The following TYW3 variants were observed in gnomAD, a reference collection of about 807,000 sequenced individuals.
TYW3 encodes tRNA wybutosine-synthesizing protein 3 homolog.
In TYW3, 26 loss-of-function variants were observed where a neutral mutation model predicts 23.1. The observed-to-expected ratio is 1.13, with a 90% confidence interval of 0.83 to 1.56. TYW3 has a LOEUF of 1.56. Ranked by LOEUF, TYW3 falls within the 40% of genes most tolerant of loss-of-function variation. The pLI is 0.00. For synonymous variants in TYW3, 102 were observed against 105.7 expected (o/e 0.97, Z 0.21); for missense variants, 316 against 311.9 (o/e 1.01, Z -0.10).
intron 3 of TYW3, among the ~76,000 whole-genome samples, chr1:74,744,417 G>A (rs916134523): frequency 3.3e-5 from 5 of 152,194 alleles, no homozygotes; most frequent in Admixed American, 3.3e-4. Context: ...CTTTTTCACG[G>A]TTTGCGGGTC....
In TYW3 at chr1:74,765,881, G is replaced by C. The variant is rs971282835; in HGVS notation, c.*1768G>C. The C allele has an allele frequency of 7.2e-5, 11 of 152,250 alleles. No homozygotes were observed. Among genetic ancestry groups the C allele is most frequent in the African/African-American group, 2.4e-4 (10 of 41,558 alleles). 9.4% of individuals were successfully genotyped at this position (152,250 alleles called of 1,614,324 possible). ...ATCTGTTTATATAAGGTATAGTATA[G>C]TATAATCTGTTTATATAAGGTTAGT... On this transcript the variant is annotated 3_prime_UTR_variant, in exon 6 of 6. Coordinates refer to ENST00000370867, the MANE Select transcript of TYW3 (RefSeq NM_138467.3).
intron 4 of TYW3, chr1:74,750,903 G>A (rs1648761892): frequency 6.8e-6 from 1 of 147,668 alleles, no homozygotes; most frequent in Admixed American, 6.9e-5. Context: ...CACCTCCCAG[G>A]TTCAAGTGAT....
chr1:74,733,410 C>T lies in TYW3; in HGVS notation c.166C>T (p.Leu56Phe). 1 of 1,614,196 alleles carries T rather than the reference C, an allele frequency of 6.2e-7. No homozygotes were observed. The highest frequency in any genetic ancestry group is 8.5e-7 in the Non-Finnish European group (1 of 1,180,020). ...CTCCTGCGCTGGCCGCATCCTACTCCTTGACCGGGTGAGGCCCCTTTGCGC... is the reference window on the plus strand; with the variant it reads ...CTCCTGCGCTGGCCGCATCCTACTCTTTGACCGGGTGAGGCCCCTTTGCGC... ...TSSCAGRILL[L>F]DRGINGFEVQ... is the part of the protein sequence containing the mutation. The change falls in exon 1 of 6, where the codon CTT (leucine) becomes TTT (phenylalanine). Residue 56 changes from leucine to phenylalanine, a missense_variant. Physicochemically the swap from Leu to Phe is conservative, Grantham distance 22. Transcript: ENST00000370867.
chr1:74,761,702 A>G (rs1649140739), intron 5 of TYW3: 1 of 152,190 alleles, frequency 6.6e-6, no homozygotes, highest in Non-Finnish European at 1.5e-5. Context: ...GACATCACCT[A>G]AGATGGTGAC....
At chr1:74,748,131 C>G (rs530514553) in intron 3 of TYW3, among the ~76,000 whole-genome samples, 1 of 94,886 alleles carries the variant, frequency 1.1e-5, no homozygotes, top group South Asian at 3.5e-4. Context: ...CTTCCTCTTC[C>G]CTTGAGTTGT....
At chr1:74,735,696 G>C (rs1648129208) in intron 1 of TYW3, among the ~76,000 whole-genome samples, 1 of 152,176 alleles carries the variant, frequency 6.6e-6, no homozygotes, top group Non-Finnish European at 1.5e-5. Flanking sequence ...CTAAGATTCA[G>C]AGTAGCCAGC....
At chr1:74,760,043 A>G (rs1649084951) in intron 5 of TYW3, among the ~76,000 whole-genome samples, 1 of 152,250 alleles carries the variant, frequency 6.6e-6, no homozygotes, top group Non-Finnish European at 1.5e-5. Context: ...CATGTATTGT[A>G]TGTTATATAT....
chr1:74,763,194 T>A (rs1006162746), intron 5 of TYW3, among the ~76,000 whole-genome samples: 1 of 152,174 alleles, frequency 6.6e-6, no homozygotes, highest in African/African-American at 2.4e-5. Flanking sequence ...GCAGTATTTA[T>A]CAAGAGCCTT....
At chr1:74,752,911 GGATTA>G (rs1648835340) in intron 5 of TYW3, among the ~76,000 whole-genome samples, 2 of 139,386 alleles carry the variant, frequency 1.4e-5, no homozygotes, top group South Asian at 4.3e-4. Flanking sequence ...CTCTTGTCAT[GGATTA>G]GATCTAGAAT....
At chr1:74,759,374 C>CT (rs573044759) in intron 5 of TYW3, among the ~76,000 whole-genome samples, 4,010 of 135,082 alleles carry the variant, frequency 0.03, 87 homozygotes, top group African/African-American at 0.05. Flanking sequence ...CTTTTCTTTT[C>CT]TTTTTTTTTT....
At chr1:74,762,270 G>A (rs1220736278) in intron 5 of TYW3, among the ~76,000 whole-genome samples, 2 of 152,082 alleles carry the variant, frequency 1.3e-5, no homozygotes, top group South Asian at 2.1e-4. Context: ...TATAGGCTTC[G>A]TAAGTAGAAC....
intron 1 of TYW3, among the ~76,000 whole-genome samples, chr1:74,735,321 T>C (rs1648113880): frequency 6.6e-6 from 1 of 152,206 alleles, no homozygotes; most frequent in Non-Finnish European, 1.5e-5. Context: ...CTTTTGCTCA[T>C]GTTTTTTGGC....
intron 4 of TYW3, chr1:74,751,359 A>T (rs974340611): frequency 4.6e-5 from 7 of 152,162 alleles, no homozygotes; most frequent in African/African-American, 1.7e-4. Flanking sequence ...GGAGCCTAGA[A>T]CATTGCAGAT....
At chr1:74,734,697 G>T (rs376153037) in intron 1 of TYW3, among the ~76,000 whole-genome samples, 2 of 152,158 alleles carry the variant, frequency 1.3e-5, no homozygotes, top group Non-Finnish European at 2.9e-5. Context: ...AAAACCACGG[G>T]CTATGTGACC....
chr1:74,748,119 C>G (rs1648651575), intron 3 of TYW3, among the ~76,000 whole-genome samples: 1 of 139,928 alleles, frequency 7.1e-6, no homozygotes, highest in Non-Finnish European at 1.5e-5. Context: ...CTAGAGATCT[C>G]CCTTCCTCTT....
At chr1:74,733,507 A>C (rs1647995259) in intron 1 of TYW3, 89 bp downstream of exon 1, 1 of 1,533,076 alleles carries the variant, frequency 6.5e-7, no homozygotes, top group Non-Finnish European at 8.7e-7. Context: ...CGGATCCAGC[A>C]TGTCTGTGTT....
intron 5 of TYW3, among the ~76,000 whole-genome samples, chr1:74,758,170 T>A (rs1275509615): frequency 6.6e-6 from 1 of 152,204 alleles, no homozygotes. Flanking sequence ...TGTAGGTTTC[T>A]CTTCTTCCTC....
intron 5 of TYW3, among the ~76,000 whole-genome samples, chr1:74,756,604 A>C (rs1005278787): frequency 1.3e-5 from 2 of 152,236 alleles, no homozygotes; most frequent in Non-Finnish European, 2.9e-5. Flanking sequence ...AAACACATTC[A>C]GTTTTATAAG....
At chr1:74,740,735 C>T (rs1394249582) in intron 3 of TYW3, among the ~76,000 whole-genome samples, 3 of 152,138 alleles carry the variant, frequency 2.0e-5, no homozygotes, top group East Asian at 1.9e-4. Context: ...AGACACAGAG[C>T]GCTGATTGGT....
Sources: allele counts gnomAD v4.1 joint callset (sites outside exome capture counted in the v4.1 genomes callset), GRCh38; gene constraint gnomAD v4.1.1; transcripts MANE v1.5; gene names NCBI Gene and HGNC (gene_info 2026-07-23, HGNC 2026-07-21).